The following CHRM3 variants were observed in gnomAD, a reference collection of about 807,000 sequenced individuals.
CHRM3 encodes the protein cholinergic receptor muscarinic 3, also known as muscarinic acetylcholine receptor M3.
A neutral mutation model predicts 41.8 loss-of-function variants in CHRM3; 11 were observed. That is an observed-to-expected ratio of 0.26 (90% CI 0.17 to 0.44). CHRM3 has a LOEUF of 0.44. CHRM3 is among the 20% of genes least tolerant of loss of function. CHRM3 has a pLI of 1.00. For missense variants in CHRM3, 571 were observed against 745.4 expected (o/e 0.77, Z 2.72); for synonymous variants, 297 against 301.4 (o/e 0.99, Z 0.15).
intron 3 of CHRM3, among the ~76,000 whole-genome samples, chr1:239,594,114 A>G (rs989996183): frequency 6.6e-6 from 1 of 152,332 alleles, no homozygotes; most frequent in South Asian, 2.1e-4. Flanking sequence ...ATTCTGTGTT[A>G]TGACACAATT....
intron 5 of CHRM3, among the ~76,000 whole-genome samples, chr1:239,688,755 C>T (rs1437106142): frequency 7.5e-6 from 1 of 132,600 alleles, no homozygotes; most frequent in East Asian, 2.1e-4. Context: ...ATACATTATT[C>T]AATATAATAT....
intron 2 of CHRM3, among the ~76,000 whole-genome samples, chr1:239,515,400 C>T (rs973140091): frequency 5.5e-5 from 8 of 146,496 alleles, no homozygotes; most frequent in Non-Finnish European, 1.2e-4. Flanking sequence ...CAATTGTTCA[C>T]ATGTTTTTTT....
intron 6 of CHRM3, among the ~76,000 whole-genome samples, chr1:239,904,588 G>A (rs1341017922): frequency 2.0e-5 from 3 of 152,168 alleles, no homozygotes; most frequent in African/African-American, 7.2e-5. Flanking sequence ...GTAATTGTGG[G>A]CTACAAACAG....
chr1:239,775,340 G>C (rs552203547), intron 5 of CHRM3, among the ~76,000 whole-genome samples: 52 of 152,212 alleles, frequency 3.4e-4, no homozygotes, highest in Middle Eastern at 3.4e-3. Context: ...TTTTTAAGAG[G>C]TACAAGATTG....
At chr1:239,873,741 C>T (rs1330058370) in intron 6 of CHRM3, among the ~76,000 whole-genome samples, 1 of 152,202 alleles carries the variant, frequency 6.6e-6, no homozygotes, top group Non-Finnish European at 1.5e-5. Context: ...TGGTCCTTCT[C>T]ATGGTTCCCC....
intron 3 of CHRM3, among the ~76,000 whole-genome samples, chr1:239,619,897 G>A (rs1572963587): frequency 6.6e-6 from 1 of 151,978 alleles, no homozygotes; most frequent in Non-Finnish European, 1.5e-5. Flanking sequence ...CCTGAGCTGG[G>A]GTTGCTGAAA....
intron 6 of CHRM3, among the ~76,000 whole-genome samples, chr1:239,903,464 C>T (rs2103026135): frequency 6.6e-6 from 1 of 152,274 alleles, no homozygotes; most frequent in South Asian, 2.1e-4. Context: ...GCACCAGTCA[C>T]CATAATCTAA....
At chr1:239,829,668 C>G (rs1183546729) in intron 6 of CHRM3, among the ~76,000 whole-genome samples, 1 of 152,152 alleles carries the variant, frequency 6.6e-6, no homozygotes, top group East Asian at 1.9e-4. Flanking sequence ...ACAGATGGCA[C>G]AGCAGAGTGG....
rs149315365 is a variant in CHRM3 at position 239,441,187 on chromosome 1, A to G, written c.-520-51522A>G. On this transcript the variant is annotated intron_variant, in intron 1 of 6. Coordinates refer to ENST00000676153, the MANE Select transcript of CHRM3 (RefSeq NM_001375978.1). ...GCTGATGAATAGATCTGAAGTGGAA[A>G]AAATGGGAAGGCACGCTTATAATTG... 7.9e-5 allele frequency among the ~76,000 whole-genome samples: 12 copies of G among 152,344 alleles called. No individual in the cohort carries two copies. The East Asian group carries it at 2.3e-3, about 29-fold the overall frequency.
At chr1:239,843,609 T>C (rs1674016920) in intron 6 of CHRM3, among the ~76,000 whole-genome samples, 1 of 152,094 alleles carries the variant, frequency 6.6e-6, no homozygotes, top group Non-Finnish European at 1.5e-5. Context: ...GTGTGTTCTA[T>C]TCTAAAATTT....
intron 4 of CHRM3, among the ~76,000 whole-genome samples, chr1:239,647,978 T>TAAGTAAATA (rs1414758417): frequency 1.3e-5 from 2 of 152,220 alleles, no homozygotes; most frequent in Non-Finnish European, 2.9e-5. Flanking sequence ...ATGTAAGCCC[T>TAAGTAAATA]AAGTAAATAT....
At chr1:239,802,459 C>T (rs995471577) in intron 5 of CHRM3, among the ~76,000 whole-genome samples, 1 of 152,116 alleles carries the variant, frequency 6.6e-6, no homozygotes, top group African/African-American at 2.4e-5. Context: ...GAGTGCTTTG[C>T]GAATGATCCC....
At chr1:239,394,220 A>C (rs2102934200) in intron 1 of CHRM3, among the ~76,000 whole-genome samples, 1 of 152,338 alleles carries the variant, frequency 6.6e-6, no homozygotes, top group East Asian at 1.9e-4. Context: ...GTCTGAAATC[A>C]AGGTGTTGGC....
intron 6 of CHRM3, among the ~76,000 whole-genome samples, chr1:239,878,210 C>A (rs1277886094): frequency 1.3e-5 from 2 of 151,856 alleles, no homozygotes; most frequent in East Asian, 3.9e-4. Context: ...ATACAATTCA[C>A]CATAATGTAG....
At chr1:239,828,575 C>G (rs766463600) in intron 6 of CHRM3, among the ~76,000 whole-genome samples, 1 of 152,008 alleles carries the variant, frequency 6.6e-6, no homozygotes, top group African/African-American at 2.4e-5. Context: ...TGGGAAGGGA[C>G]CAGGTCAATG....
Position 239,603,567 on chromosome 1 carries a change from G to A in CHRM3, c.-312-28657G>A, listed in dbSNP as rs144944857. 3.3e-3 allele frequency among the ~76,000 whole-genome samples: 506 copies of A among 152,166 alleles called. 3 individuals are homozygous for A. The highest frequency in any genetic ancestry group is 0.012 in the African/African-American group (480 of 41,524). On this transcript the variant is annotated intron_variant, in intron 3 of 6. Transcript: ENST00000676153. The stretch of plus-strand genomic sequence containing the variant: ...ATGTATAGACAAAGCCAATGAGGTC[G>A]AGGTCTCATGGTTTTATAGCCAGGG...
intron 2 of CHRM3, among the ~76,000 whole-genome samples, chr1:239,521,592 G>A (rs1414131162): frequency 6.6e-6 from 1 of 152,138 alleles, no homozygotes; most frequent in Non-Finnish European, 1.5e-5. Flanking sequence ...AATACTACGT[G>A]AATTATGCTA....
At chr1:239,582,103 A>G (rs556364855) in intron 3 of CHRM3, among the ~76,000 whole-genome samples, 3 of 152,188 alleles carry the variant, frequency 2.0e-5, no homozygotes, top group Non-Finnish European at 4.4e-5. Context: ...ATGAAGCTAA[A>G]TTATGTGCTA....
At chr1:239,567,970 T>G (rs1324171005) in intron 3 of CHRM3, among the ~76,000 whole-genome samples, 1 of 152,282 alleles carries the variant, frequency 6.6e-6, no homozygotes, top group East Asian at 1.9e-4. Context: ...TGGCTCCTAC[T>G]AGGCTCTTCT....
Sources: gnomAD v4.1 joint callset for allele counts (sites outside exome capture counted in the v4.1 genomes callset) on GRCh38, gnomAD v4.1.1 for gene constraint, MANE v1.5 for transcripts, NCBI Gene and HGNC (gene_info 2026-07-23, HGNC 2026-07-21) for gene names.